Variants in ZC3HAV1L observed in about 807,000 individuals in gnomAD.
ZC3HAV1L encodes the protein ZC3HAV1 like, also known as zinc finger CCCH-type antiviral protein 1-like.
Under a neutral mutation model 28.2 loss-of-function variants are expected in ZC3HAV1L, and 23 were observed. The ratio of observed to expected loss-of-function variants is 0.82; its 90% confidence interval spans 0.59 to 1.16. The LOEUF is 1.16. ZC3HAV1L is among the 50% of genes most tolerant of loss of function. The probability of loss-of-function intolerance (pLI) is 0.00; values close to 1 mark genes in which losing one functional copy is unlikely to be tolerated. For synonymous variants in ZC3HAV1L, 180 were observed against 163.4 expected (o/e 1.10, Z -0.78); for missense variants, 376 against 387.7 (o/e 0.97, Z 0.25).
Position 139,026,565 on chromosome 7 carries a change from G to C in ZC3HAV1L, c.887-5C>G. The stretch of plus-strand genomic sequence containing the variant: ...TTCTTTACTTCTCGCAAGACACTGT[G>C]AGGTAGATATTATTATGACCATTAC... On this transcript the variant is annotated splice_region_variant and splice_polypyrimidine_tract_variant and intron_variant, in intron 4 of 4. Transcript: ENST00000275766. The C allele has an allele frequency of 2.5e-6, 4 of 1,612,926 alleles. No individual in the cohort carries two copies. The highest frequency in any genetic ancestry group is 3.4e-6 in the Non-Finnish European group (4 of 1,178,884).
chr7:139,032,668 A>G lies in ZC3HAV1L; in HGVS notation c.501+1875T>C, dbSNP rs1454475408. Among the ~76,000 whole-genome samples the G allele has an allele frequency of 4.0e-5, 6 of 150,482 alleles. No homozygotes were observed. In the East Asian group the frequency reaches 1.2e-3, roughly 29 times the overall value. On this transcript the variant is annotated intron_variant, in intron 2 of 4. Transcript: ENST00000275766. ...AATAAAATAAAAATAAAAATAAAAT[A>G]AAATAAATAAAAAATAAAATAAAAT...
downstream of ZC3HAV1L, chr7:139,022,499 T>C (rs538333378): frequency 9.0e-6 from 3 of 333,260 alleles, no homozygotes; most frequent in South Asian, 7.3e-5. Flanking sequence ...GGAGCTGTAA[T>C]TGTGCCCTGC....
downstream of ZC3HAV1L, among the ~76,000 whole-genome samples, chr7:139,024,927 G>A (rs1815315027): frequency 6.6e-6 from 1 of 152,116 alleles, no homozygotes; most frequent in Admixed American, 6.5e-5. Flanking sequence ...GGTACCCCTT[G>A]ATGAAAATAA....
At position 139,025,967 on chromosome 7, in the gene ZC3HAV1L, T is replaced by TA. The variant is rs1221544232; in HGVS notation, c.*576dup. ...GGGCAACATGGCAAAATACCCTCTC[T>TA]ACAAAAAAAAAATACAAAAAATTAG... On this transcript the variant is annotated 3_prime_UTR_variant, in exon 5 of 5. Transcript: ENST00000275766. 1.5e-4 allele frequency: 23 copies of TA among 150,734 alleles called. No individual in the cohort carries two copies. Among genetic ancestry groups the TA allele is most frequent in the African/African-American group, 5.6e-4 (23 of 40,970 alleles). The allele number at this position is 150,734 out of a possible 1,614,324, so 9.3% of individuals were successfully genotyped here.
chr7:139,034,685 G>T lies in ZC3HAV1L; in HGVS notation c.366-7C>A. ...GGAAAGGGTACAGGTAGACCTAAAA[G>T]AACAAAGCCCTCGGTCAGATGCCCA... On this transcript the variant is annotated splice_polypyrimidine_tract_variant and splice_region_variant and intron_variant, in intron 1 of 4. Transcript: ENST00000275766. The T allele has an allele frequency of 6.2e-7, 1 of 1,613,666 alleles. No homozygotes were observed.
chr7:139,028,374 A>G (rs1215046789), intron 3 of ZC3HAV1L, among the ~76,000 whole-genome samples: 1 of 149,714 alleles, frequency 6.7e-6, no homozygotes, highest in Admixed American at 6.6e-5. Context: ...CTCTGTCTCA[A>G]AAAAAAAAAC....
intron 2 of ZC3HAV1L, among the ~76,000 whole-genome samples, chr7:139,033,503 C>G (rs1395170929): frequency 6.6e-6 from 1 of 152,114 alleles, no homozygotes; most frequent in Non-Finnish European, 1.5e-5. Flanking sequence ...TCCACAGTCC[C>G]TGCTGCCCAC....
chr7:139,025,694 C>T (rs547182592), downstream of ZC3HAV1L: 1 of 152,200 alleles, frequency 6.6e-6, no homozygotes, highest in Non-Finnish European at 1.5e-5. Flanking sequence ...AATCAGAAAG[C>T]AGACACCAGA....
At chr7:139,024,328 T>C (rs1002634733), downstream of ZC3HAV1L, among the ~76,000 whole-genome samples, 2 of 151,884 alleles carry the variant, frequency 1.3e-5, no homozygotes, top group African/African-American at 2.4e-5. Context: ...ACCAATAACA[T>C]CACATATAAA....
chr7:139,024,572 T>C (rs771906059), downstream of ZC3HAV1L, among the ~76,000 whole-genome samples: 2 of 152,118 alleles, frequency 1.3e-5, no homozygotes, highest in Non-Finnish European at 2.9e-5. Context: ...AAACAAAATA[T>C]GCAGAGCATA....
At chr7:139,033,845 C>T (rs1345589811) in intron 2 of ZC3HAV1L, 1 of 985,350 alleles carries the variant, frequency 1.0e-6, no homozygotes, top group African/African-American at 1.7e-5. Flanking sequence ...TGCAGCCACC[C>T]TCCTCTCCCT....
intron 2 of ZC3HAV1L, among the ~76,000 whole-genome samples, chr7:139,030,655 C>T (rs914184861): frequency 2.6e-5 from 4 of 151,420 alleles, no homozygotes; most frequent in African/African-American, 9.7e-5. Context: ...GGTGAAACCC[C>T]GTCTCTACCA....
At chr7:139,030,570 T>C (rs970488657) in intron 2 of ZC3HAV1L, among the ~76,000 whole-genome samples, 2 of 151,048 alleles carry the variant, frequency 1.3e-5, no homozygotes, top group African/African-American at 4.9e-5. Context: ...GGCTCACACC[T>C]GTAATCCTAG....
At position 139,026,505 on chromosome 7, in the gene ZC3HAV1L, T is replaced by G. The variant is rs1815355627; in HGVS notation, c.*39A>C. 6.2e-7 allele frequency: 1 copy of G among 1,612,708 alleles called. No individual in the cohort carries two copies. The highest frequency in any genetic ancestry group is 2.2e-5 in the East Asian group (1 of 44,884). The stretch of plus-strand genomic sequence containing the variant: ...ATCCCCAACCACCCATGCCCAAATG[T>G]ATTCTTCCAAAAGGACATTTTCTCC... On this transcript the variant is annotated 3_prime_UTR_variant, in exon 5 of 5. Transcript: ENST00000275766.
At chr7:139,035,140 C>T (rs994766010) in intron 1 of ZC3HAV1L, 63 of 985,472 alleles carry the variant, frequency 6.4e-5, no homozygotes, top group Middle Eastern at 1.0e-3. Context: ...TCAGGAACCA[C>T]AGGGCCTCAC....
At chr7:139,028,231 G>C (rs1815411909) in intron 3 of ZC3HAV1L, among the ~76,000 whole-genome samples, 1 of 152,000 alleles carries the variant, frequency 6.6e-6, no homozygotes, top group African/African-American at 2.4e-5. Context: ...AAATTAGCTG[G>C]GCATGGTGGC....
At chr7:139,026,962 T>C (rs991853844) in intron 3 of ZC3HAV1L, 129 bp from the exon 4 acceptor site, 6 of 1,088,752 alleles carry the variant, frequency 5.5e-6, no homozygotes, top group African/African-American at 4.8e-5. Context: ...TCATGTCTTC[T>C]GGATTTTAAA....
chr7:139,035,619 C>G, intron 1 of ZC3HAV1L, 34 bp downstream of exon 1: 1 of 1,362,578 alleles, frequency 7.3e-7, no homozygotes, highest in South Asian at 1.7e-5. Context: ...CCGCGGCCAG[C>G]GCCCACAGTC....
At position 139,034,627 on chromosome 7, in the gene ZC3HAV1L, G is replaced by A; in HGVS notation, c.417C>T (p.Val139=). The change falls in exon 2 of 5, where the codon GTC becomes GTT. Residue 139 remains valine, a synonymous_variant. Transcript: ENST00000275766. ...GACCAAAAAGTCCATGGCTTTTCAG[G>A]ACCTGCATGTTGACAGGTGTGTGGA... ...HDIHTPVNMQ[V]LKSHGLFGLN... 6.2e-7 allele frequency: 1 copy of A among 1,613,984 alleles called. No homozygotes were observed. The highest frequency in any genetic ancestry group is 8.5e-7 in the Non-Finnish European group (1 of 1,179,930).
Sources: allele counts gnomAD v4.1 joint callset (sites outside exome capture counted in the v4.1 genomes callset), GRCh38; gene constraint gnomAD v4.1.1; transcripts MANE v1.5; gene names NCBI Gene and HGNC (gene_info 2026-07-23, HGNC 2026-07-21).